The following ACACB variants were observed in gnomAD, a reference collection of about 807,000 sequenced individuals.
ACACB encodes the protein acetyl-CoA carboxylase 2.
Under a neutral mutation model 278.8 loss-of-function variants are expected in ACACB, and 209 were observed. The ratio of observed to expected loss-of-function variants is 0.75; its 90% CI spans 0.67 to 0.84. The LOEUF (loss-of-function observed/expected upper bound fraction) is 0.84. Among genes scored for constraint, ACACB ranks in the 40% least tolerant of loss-of-function variants. The pLI is 0.00. For missense variants in ACACB, 2,850 were observed against 3,269.0 expected (o/e 0.87, Z 3.13); for synonymous variants, 1,174 against 1,285.6 (o/e 0.91, Z 1.86).
chr12:109,123,676 G>A (rs566889586), intron 1 of ACACB, among the ~76,000 whole-genome samples: 1 of 149,072 alleles, frequency 6.7e-6, no homozygotes, highest in East Asian at 2.1e-4. Flanking sequence ...CTGGGTGACA[G>A]AGTGAGACCC....
chr12:109,246,129 TC>T (rs1565967623), intron 38 of ACACB, 49 bp from the exon 39 acceptor site: 1 of 1,551,462 alleles, frequency 6.4e-7, no homozygotes, highest in Non-Finnish European at 8.7e-7. Context: ...TAAAAAGTTT[TC>T]CCCCAAAGAA....
Position 109,260,609 on chromosome 12 carries a change from C to T in ACACB, c.6626C>T (p.Ala2209Val). Residue 2209 changes from alanine to valine, a missense_variant, in exon 48 of 53, where the codon GCC (alanine) becomes GTC (valine). Physicochemically the swap from Ala to Val is moderately conservative, Grantham distance 64 (BLOSUM62 0). Transcript: ENST00000338432. Reference protein sequence around the residue: ...LRGGSWVVIDATINPLCIEMY... With the variant: ...LRGGSWVVIDVTINPLCIEMY... ...GGAGGCTCCTGGGTGGTCATAGATG[C>T]CACCATCAACCCGCTGTGCATAGAA... 6.2e-7 allele frequency: 1 copy of T among 1,608,594 alleles called. No individual in the cohort carries two copies. The highest frequency in any genetic ancestry group is 2.2e-5 in the East Asian group (1 of 44,832).
At chr12:109,115,952 C>T (rs2042395289), upstream of ACACB, among the ~76,000 whole-genome samples, 1 of 152,232 alleles carries the variant, frequency 6.6e-6, no homozygotes, top group African/African-American at 2.4e-5. Context: ...GTTGGCTGGG[C>T]TTCTCCAGCT....
chr12:109,234,717 G>A (rs919530701), intron 31 of ACACB, among the ~76,000 whole-genome samples: 3 of 151,700 alleles, frequency 2.0e-5, no homozygotes, highest in Admixed American at 2.0e-4. Context: ...ACCAAACACC[G>A]CATGTGCTCA....
rs368672358 is a variant in ACACB, at chr12:109,212,033, T to C, written c.3250-803T>C. Among the ~76,000 whole-genome samples, 8 of 152,202 alleles carry C rather than the reference T, an allele frequency of 5.3e-5. 1 individual carries two copies. The highest frequency in any genetic ancestry group is 3.9e-4 in the Admixed American group (6 of 15,270). On this transcript the variant is annotated intron_variant, in intron 21 of 52. Transcript: ENST00000338432. The stretch of plus-strand genomic sequence containing the variant: ...AGAGTGGGACATTCCCATCTCCTTG[T>C]TCCCCATCCCATTGATATGTGCGGA...
At position 109,193,641 on chromosome 12, in the gene ACACB, C is replaced by A; in HGVS notation, c.2400-7C>A. 1 of 1,611,178 alleles carries A rather than the reference C, an allele frequency of 6.2e-7. No homozygotes were observed. The highest frequency in any genetic ancestry group is 8.5e-7 in the Non-Finnish European group (1 of 1,177,368). Reference sequence around the variant, plus strand: ...AAGGCTGACCACAACCCTGTCTTTTCTTTCAGGGGCCAGGTCCTCCCAGCG... The same window carrying A: ...AAGGCTGACCACAACCCTGTCTTTTATTTCAGGGGCCAGGTCCTCCCAGCG... On this transcript the variant is annotated splice_polypyrimidine_tract_variant and splice_region_variant and intron_variant, in intron 15 of 52. Coordinates refer to ENST00000338432, the MANE Select transcript of ACACB (RefSeq NM_001093.4).
chr12:109,118,732 T>A (rs1216657243), intron 1 of ACACB, among the ~76,000 whole-genome samples: 1 of 152,104 alleles, frequency 6.6e-6, no homozygotes, highest in Non-Finnish European at 1.5e-5. Context: ...CTTGTTCTCA[T>A]GCTTCCTCTG....
In ACACB at chr12:109,130,943, C is replaced by G. The variant is rs891940030; in HGVS notation, c.-9-8454C>G. ...CTGGACAGGCGTCTGACAGATGAAC[C>G]CCTTGGAACATCTGTCGATGCTGTT... On this transcript the variant is annotated intron_variant, in intron 1 of 52. Coordinates refer to ENST00000338432, the MANE Select transcript of ACACB (RefSeq NM_001093.4). 2.6e-5 allele frequency among the ~76,000 whole-genome samples: 4 copies of G among 152,124 alleles called. No individual in the cohort carries two copies. In the East Asian group the frequency reaches 7.7e-4, roughly 29 times the overall value.
In ACACB at chr12:109,239,842, G is replaced by A. The variant is rs756027386; in HGVS notation, c.4675G>A (p.Glu1559Lys). Residue 1559 changes from glutamate (E) to lysine (K), a missense_variant, in exon 35 of 53, where the codon GAA (glutamate) becomes AAA (lysine). By Grantham distance (56) the Glu-to-Lys change is moderately conservative. Around this residue, in one of 3 missense-constraint regions of ACACB, gnomAD observed 2,265 missense variants for 2,561.3 expected, o/e 0.88. Transcript: ENST00000338432. ...SDLITKEASF[E>K]YLQNEGERLL... ...CACTCTTTGGCAGGAAGCCTCCTTC[G>A]AATACCTGCAGAACGAGGGTGAGCG... 2.5e-6 allele frequency: 4 copies of A among 1,613,030 alleles called. No individual in the cohort carries two copies. The highest frequency in any genetic ancestry group is 1.1e-5 in the South Asian group (1 of 90,874).
chr12:109,246,171 C>T lies in ACACB; in HGVS notation c.5302-8C>T, dbSNP rs764125460. 6.8e-6 allele frequency: 11 copies of T among 1,606,880 alleles called. No individual in the cohort carries two copies. In the South Asian group the frequency reaches 9.9e-5, roughly 14 times the overall value. On this transcript the variant is annotated splice_region_variant and splice_polypyrimidine_tract_variant and intron_variant, in intron 38 of 52. Transcript: ENST00000338432. ...CTCATTTTCCTTGTGCATTCATCCC[C>T]TTGCCAGGTGGGCATGGTGGCCTTC...
chr12:109,260,688 CT>C, intron 48 of ACACB, 31 bp downstream of exon 48: 2 of 1,505,372 alleles, frequency 1.3e-6, no homozygotes, highest in Non-Finnish European at 1.8e-6. Context: ...CTGGCTTAGC[CT>C]TTTCTTGTTC....
At chr12:109,180,949 A>T (rs543040826) in intron 11 of ACACB, among the ~76,000 whole-genome samples, 10 of 152,262 alleles carry the variant, frequency 6.6e-5, no homozygotes, top group Non-Finnish European at 1.2e-4. Flanking sequence ...TTTTGCGCCC[A>T]TTAATCATCC....
chr12:109,185,425 C>T (rs2044618814), intron 11 of ACACB, among the ~76,000 whole-genome samples, 154 bp from the exon 12 acceptor site: 1 of 152,208 alleles, frequency 6.6e-6, no homozygotes, highest in South Asian at 2.1e-4. Context: ...CTTTGGCTCT[C>T]TGGCCACAGT....
chr12:109,167,171 C>T, intron 3 of ACACB, 178 bp downstream of exon 3: 1 of 736,850 alleles, frequency 1.4e-6, no homozygotes, highest in Non-Finnish European at 2.2e-6. Flanking sequence ...ATAGTGAAGC[C>T]TCTTTCAAAG....
chr12:109,160,831 T>C (rs894499759), intron 2 of ACACB, among the ~76,000 whole-genome samples: 3 of 152,238 alleles, frequency 2.0e-5, no homozygotes, highest in African/African-American at 7.2e-5. Context: ...GCTTGTGGCC[T>C]GCCTGATGGA....
rs114544266 is a variant in ACACB at position 109,258,430 on chromosome 12, G to A, written c.6360+66G>A. 3.3e-3 allele frequency: 4,511 copies of A among 1,369,500 alleles called. 118 individuals carry two copies. In the African/African-American group the frequency reaches 0.056, roughly 17 times the overall value. 84.8% of individuals were successfully genotyped at this position (1,369,500 alleles called of 1,614,324 possible). ...GTACTGTCGAGAGTGGGTCCTGGGCGTGGGGGTCCCATCCCTGCCCTGCCA... is the reference window on the plus strand; with the variant it reads ...GTACTGTCGAGAGTGGGTCCTGGGCATGGGGGTCCCATCCCTGCCCTGCCA... On this transcript the variant is annotated intron_variant, in intron 46 of 52. Coordinates refer to ENST00000338432, the MANE Select transcript of ACACB (RefSeq NM_001093.4).
intron 5 of ACACB, 38 bp from the exon 6 acceptor site, chr12:109,172,237 G>A (rs1475163554): frequency 6.2e-7 from 1 of 1,602,638 alleles, no homozygotes; most frequent in East Asian, 2.2e-5. Flanking sequence ...GCATATTCTT[G>A]AAGGAAGATT....
At chr12:109,216,455 C>T (rs1388377406) in intron 22 of ACACB, among the ~76,000 whole-genome samples, 163 bp from the exon 23 acceptor site, 10 of 150,798 alleles carry the variant, frequency 6.6e-5, no homozygotes, top group African/African-American at 1.7e-4. Flanking sequence ...CTCTTGACCT[C>T]GTGATCTGCC....
chr12:109,144,312 C>CAATA lies in ACACB; in HGVS notation c.653+4273_653+4276dup, dbSNP rs537512170. On this transcript the variant is annotated intron_variant, in intron 2 of 52. Coordinates refer to ENST00000338432, the MANE Select transcript of ACACB (RefSeq NM_001093.4). Reference sequence around the variant, plus strand: ...TGGGCAACAGAGTGAGACTCTGTCTCAATAAATAAATAAATAAATAAAATG... The same window carrying CAATA: ...TGGGCAACAGAGTGAGACTCTGTCTCAATAAATAAATAAATAAATAAATAAAATG... 2.3e-3 allele frequency among the ~76,000 whole-genome samples: 353 copies of CAATA among 152,008 alleles called. 3 individuals carry two copies. The highest frequency in any genetic ancestry group is 7.7e-3 in the African/African-American group (321 of 41,466).
Sources: allele counts gnomAD v4.1 joint callset (sites outside exome capture counted in the v4.1 genomes callset), GRCh38; gene constraint gnomAD v4.1.1; regional missense constraint gnomAD v4.1.1; transcripts MANE v1.5; gene names NCBI Gene and HGNC (gene_info 2026-07-23, HGNC 2026-07-21).